ATP11C: variants seen among roughly 807,000 people sequenced by gnomAD.
ATP11C encodes the protein phospholipid-transporting ATPase IG.
In ATP11C, 36 loss-of-function variants were observed where a neutral mutation model predicts 97.4. That is an observed-to-expected ratio of 0.37 (90% confidence interval 0.28 to 0.49). The LOEUF (loss-of-function observed/expected upper bound fraction) is 0.49, where lower values mean the gene tolerates loss of function less well. Among genes scored for constraint, ATP11C ranks in the 20% least tolerant of loss-of-function variants. The pLI is 0.98. For missense variants in ATP11C, 730 were observed against 824.6 expected (o/e 0.89, Z 1.40); for synonymous variants, 275 against 290.9 (o/e 0.95, Z 0.56).
At position 139,797,273 on chromosome X, in the gene ATP11C, G is replaced by A. The variant is rs759646673; in HGVS notation, c.911C>T (p.Ala304Val). 7 of 1,185,579 alleles carry A rather than the reference G, an allele frequency of 5.9e-6. No homozygotes were observed. In the South Asian group the frequency reaches 1.1e-4, roughly 19 times the overall value. ...AACATACTTTAGAGTAGTGCATACT[G>A]CAGCTTTGGTCAGTAAGATAAATAA... Reference protein sequence around the residue: ...VYLFILLTKAAVCTTLKYVWQ... With the variant: ...VYLFILLTKAVVCTTLKYVWQ... The change falls in exon 11 of 30, where the codon GCA becomes GTA. Residue 304 changes from alanine (A) to valine (V), a missense_variant. Transcript: ENST00000682941.
intron 1 of ATP11C, among the ~76,000 whole-genome samples, chrX:139,918,635 C>G (rs1331405465): frequency 1.0e-5 from 1 of 99,241 alleles, no homozygotes; most frequent in African/African-American, 3.8e-5. Flanking sequence ...GAAACCACTC[C>G]ACTTCACTCC....
upstream of ATP11C, among the ~76,000 whole-genome samples, chrX:139,934,388 C>T (rs1476029150): frequency 9.0e-6 from 1 of 110,596 alleles, no homozygotes; most frequent in African/African-American, 3.3e-5. Context: ...TCCTTCTCTG[C>T]TCACAGTTGA....
intron 3 of ATP11C, 66 bp from the exon 4 acceptor site, chrX:139,817,009 C>A: frequency 6.1e-6 from 4 of 657,629 alleles, no homozygotes; most frequent in South Asian, 2.8e-5. Context: ...GCAGCACTTA[C>A]ATGCTGCAAA....
chrX:139,747,597 G>A (rs1312508455), intron 24 of ATP11C, among the ~76,000 whole-genome samples: 2 of 111,800 alleles, frequency 1.8e-5, no homozygotes, highest in African/African-American at 3.3e-5. Context: ...AGAAAAACTA[G>A]TTTATTTCTT....
intron 18 of ATP11C, among the ~76,000 whole-genome samples, chrX:139,781,412 A>G (rs1400693921): frequency 8.9e-6 from 1 of 112,887 alleles, no homozygotes; most frequent in Non-Finnish European, 1.9e-5. Context: ...AGTTAAAAGC[A>G]TATTATTTTA....
At chrX:139,912,862 G>A (rs770657564) in intron 1 of ATP11C, among the ~76,000 whole-genome samples, 2 of 111,798 alleles carry the variant, frequency 1.8e-5, no homozygotes, top group Non-Finnish European at 3.8e-5. Context: ...ATGTTCTCCT[G>A]ATACTTTTAA....
intron 8 of ATP11C, 41 bp downstream of exon 8, chrX:139,800,019 C>T: frequency 3.8e-6 from 2 of 530,963 alleles, no homozygotes; most frequent in Non-Finnish European, 6.2e-6. Flanking sequence ...ATAGACCCCC[C>T]CCCCCAACCA....
At chrX:139,866,367 A>C (rs1228378374) in intron 1 of ATP11C, among the ~76,000 whole-genome samples, 1 of 102,546 alleles carries the variant, frequency 9.8e-6, no homozygotes, top group Non-Finnish European at 1.9e-5. Flanking sequence ...AAAAAAAAAA[A>C]CAGAAAAGAC....
intron 23 of ATP11C, among the ~76,000 whole-genome samples, chrX:139,756,624 T>C (rs1019785481): frequency 8.9e-6 from 1 of 111,875 alleles, no homozygotes; most frequent in African/African-American, 3.2e-5. Context: ...ATATATACCA[T>C]TAAATACTAT....
chrX:139,783,399 T>G, intron 16 of ATP11C, 132 bp from the exon 17 acceptor site: 1 of 396,331 alleles, frequency 2.5e-6, no homozygotes, highest in Admixed American at 4.5e-5. Flanking sequence ...AATACTCACC[T>G]AAATGGAATG....
intron 24 of ATP11C, among the ~76,000 whole-genome samples, chrX:139,748,733 A>C (rs901626845): frequency 1.8e-5 from 2 of 112,079 alleles, no homozygotes; most frequent in Non-Finnish European, 3.8e-5. Context: ...TGCAATCAGC[A>C]AACTCTAGAC....
At chrX:139,730,349 C>A (rs899833581) in intron 29 of ATP11C, among the ~76,000 whole-genome samples, 1 of 109,577 alleles carries the variant, frequency 9.1e-6, no homozygotes, top group African/African-American at 3.3e-5. Context: ...CAGCTTAGAA[C>A]GAGGCAATCT....
At chrX:139,740,424 T>G in intron 27 of ATP11C, among the ~76,000 whole-genome samples, 1 of 111,466 alleles carries the variant, frequency 9.0e-6, no homozygotes, top group Middle Eastern at 4.6e-3. Context: ...CAAGATGAAC[T>G]AAATGAACTT....
At chrX:139,846,279 A>C (rs183523476) in intron 1 of ATP11C, among the ~76,000 whole-genome samples, 7 of 112,316 alleles carry the variant, frequency 6.2e-5, no homozygotes, top group Non-Finnish European at 1.3e-4. Context: ...TACCCAAAAG[A>C]ATTCTTAAAC....
chrX:139,759,627 T>C (rs1395654422), intron 22 of ATP11C, among the ~76,000 whole-genome samples: 6 of 111,521 alleles, frequency 5.4e-5, no homozygotes, highest in Admixed American at 2.9e-4. Flanking sequence ...GCAATAACAA[T>C]TTGAAGATGC....
At chrX:139,775,005 C>A (rs767774094) in intron 18 of ATP11C, 52 bp from the exon 19 acceptor site, 3 of 1,116,437 alleles carry the variant, frequency 2.7e-6, no homozygotes, top group South Asian at 4.4e-5. Context: ...GACAAAGATT[C>A]TACAGGAAGG....
intron 1 of ATP11C, among the ~76,000 whole-genome samples, chrX:139,892,342 G>A (rs1466021584): frequency 9.0e-6 from 1 of 111,477 alleles, no homozygotes; most frequent in African/African-American, 3.3e-5. Context: ...AAAAGACAGT[G>A]CAGCAACAAC....
intron 21 of ATP11C, 103 bp from the exon 22 acceptor site, chrX:139,762,209 T>A: frequency 1.5e-6 from 1 of 671,072 alleles, no homozygotes; most frequent in Non-Finnish European, 2.2e-6. Context: ...TTCAATTCTA[T>A]CAATTAGTTT....
At chrX:139,732,488 A>T in intron 28 of ATP11C, 1 of 368,299 alleles carries the variant, frequency 2.7e-6, no homozygotes, top group Non-Finnish European at 5.3e-6. Context: ...AAGCATGAAG[A>T]TAGCAGATGT....
Sources: gnomAD v4.1 joint callset for allele counts (sites outside exome capture counted in the v4.1 genomes callset) on GRCh38, gnomAD v4.1.1 for gene constraint, MANE v1.5 for transcripts, NCBI Gene and HGNC (gene_info 2026-07-23, HGNC 2026-07-21) for gene names.